CPS1: variants seen among roughly 807,000 people sequenced by gnomAD.
CPS1 encodes carbamoyl-phosphate synthase 1.
In CPS1, 109 loss-of-function variants were observed where a neutral mutation model predicts 174.6. That is an observed-to-expected ratio of 0.62 (90% CI 0.53 to 0.73). CPS1 has a LOEUF of 0.73. Among genes scored for constraint, CPS1 ranks in the 30% least tolerant of loss-of-function variants. The probability of loss-of-function intolerance (pLI) is 0.00; values close to 1 mark genes in which losing one functional copy is unlikely to be tolerated. For synonymous variants in CPS1, 637 were observed against 632.0 expected (o/e 1.01, Z -0.12); for missense variants, 1,689 against 1,821.9 (o/e 0.93, Z 1.33).
At chr2:210,520,914 A>T (rs1042768672) in intron 1 of CPS1, among the ~76,000 whole-genome samples, 3 of 152,040 alleles carry the variant, frequency 2.0e-5, no homozygotes, top group Admixed American at 1.3e-4. Flanking sequence ...AAGAGCATTC[A>T]TGTGCAAAAG....
At position 210,668,255 on chromosome 2, in the gene CPS1, C is replaced by G. The variant is rs954198181; in HGVS notation, c.4072C>G (p.Pro1358Ala). The G allele has an allele frequency of 6.2e-7, 1 of 1,613,652 alleles. No homozygotes were observed. Among genetic ancestry groups the G allele is most frequent in the Admixed American group, 1.7e-5 (1 of 59,994 alleles). ...AATGCTTTCCACAGGATTTAAGATA[C>G]CCCAGAAAGGCATCCTGATAGGCAT... ...KAMLSTGFKIPQKGILIGIQQ... is the reference protein window; with the variant it reads ...KAMLSTGFKIAQKGILIGIQQ... The change falls in exon 34 of 38, where the codon CCC becomes GCC. Residue 1358 changes from proline (P) to alanine (A), a missense_variant. Physicochemically the swap from Pro to Ala is conservative, Grantham distance 27. Coordinates refer to ENST00000233072, the MANE Select transcript of CPS1 (RefSeq NM_001875.5).
chr2:210,591,065 T>G (rs933212302), intron 9 of CPS1, among the ~76,000 whole-genome samples, 159 bp downstream of exon 9: 1 of 150,412 alleles, frequency 6.6e-6, no homozygotes, highest in Non-Finnish European at 1.5e-5. Context: ...AATAAATAAA[T>G]AAATAAAATA....
chr2:210,670,314 A>G (rs1050414689), intron 34 of CPS1, among the ~76,000 whole-genome samples: 5 of 152,164 alleles, frequency 3.3e-5, no homozygotes, highest in African/African-American at 9.6e-5. Flanking sequence ...CTTCATTACT[A>G]TATGTAGGAT....
chr2:210,662,257 A>G (rs1700948530), intron 32 of CPS1, among the ~76,000 whole-genome samples: 1 of 152,114 alleles, frequency 6.6e-6, no homozygotes. Context: ...TTAGCTTTGT[A>G]TATAAATCTT....
intron 33 of CPS1, among the ~76,000 whole-genome samples, chr2:210,665,777 A>ACT: frequency 6.7e-6 from 1 of 149,240 alleles, no homozygotes; most frequent in Non-Finnish European, 1.5e-5. Flanking sequence ...ATAGTGCCGT[A>ACT]ATAAACATAC....
At chr2:210,658,526 G>C (rs1700799355) in intron 30 of CPS1, 73 bp from the exon 31 acceptor site, 1 of 1,140,182 alleles carries the variant, frequency 8.8e-7, no homozygotes, top group South Asian at 1.3e-5. Context: ...TTAAGGTACT[G>C]TGCCTTTTAG....
At chr2:210,670,752 A>C (rs1701273765) in intron 34 of CPS1, among the ~76,000 whole-genome samples, 2 of 152,056 alleles carry the variant, frequency 1.3e-5, no homozygotes, top group South Asian at 4.1e-4. Flanking sequence ...CTAACTTTTA[A>C]ATTTCTTCTC....
chr2:210,624,943 A>ATAT (rs1699651147), intron 21 of CPS1, among the ~76,000 whole-genome samples: 1 of 152,078 alleles, frequency 6.6e-6, no homozygotes, highest in Non-Finnish European at 1.5e-5. Context: ...ACATACTCAG[A>ATAT]ATATGTGTAT....
intron 34 of CPS1, 54 bp downstream of exon 34, chr2:210,668,338 G>A (rs1325434974): frequency 3.0e-5 from 36 of 1,215,090 alleles, no homozygotes; most frequent in Non-Finnish European, 4.3e-5. Flanking sequence ...TGAGTGGGGA[G>A]GGGCAGGATA....
At chr2:210,606,491 G>A (rs1407374345) in intron 17 of CPS1, among the ~76,000 whole-genome samples, 1 of 151,870 alleles carries the variant, frequency 6.6e-6, no homozygotes, top group Non-Finnish European at 1.5e-5. Flanking sequence ...GTAGACGATT[G>A]AAGCCTTGAT....
At chr2:210,592,453 T>C (rs968353014) in intron 10 of CPS1, among the ~76,000 whole-genome samples, 1 of 151,910 alleles carries the variant, frequency 6.6e-6, no homozygotes, top group Non-Finnish European at 1.5e-5. Flanking sequence ...TTGGTCCAAA[T>C]CTGTTTGAGC....
At chr2:210,660,188 T>A (rs1196296364) in intron 31 of CPS1, among the ~76,000 whole-genome samples, 1 of 152,068 alleles carries the variant, frequency 6.6e-6, no homozygotes, top group African/African-American at 2.4e-5. Context: ...CCAGTGGACA[T>A]CCAGTGAAGG....
At chr2:210,536,253 A>G (rs776005057) in intron 1 of CPS1, among the ~76,000 whole-genome samples, 2 of 151,964 alleles carry the variant, frequency 1.3e-5, no homozygotes, top group Non-Finnish European at 2.9e-5. Flanking sequence ...CTAGTTACTA[A>G]TAACCTCAAT....
At position 210,591,771 on chromosome 2, in the gene CPS1, C is replaced by T; in HGVS notation, c.948-60C>T. 18 of 1,558,254 alleles carry T rather than the reference C, an allele frequency of 1.2e-5. No homozygotes were observed. In the South Asian group the frequency reaches 1.8e-4, roughly 15 times the overall value. On this transcript the variant is annotated intron_variant, in intron 9 of 37. Transcript: ENST00000233072. The stretch of plus-strand genomic sequence containing the variant: ...CTTGTTCACTACTTTATAAGGAATA[C>T]ATTTATATTATTCTCTTCACTTTTC...
Position 210,486,115 on chromosome 2 carries a change from T to TACACACAC in CPS1, c.3+8386_3+8393dup, listed in dbSNP as rs60740361. On this transcript the variant is annotated intron_variant, in intron 1 of 38. Transcript: ENST00000430249. ...ATACATATATATATACACACACACA[T>TACACACAC]ACACACACACACACACACACACACA... Among the ~76,000 whole-genome samples, 355 of 135,642 alleles carry TACACACAC rather than the reference T, an allele frequency of 2.6e-3. 2 individuals carry two copies. Among genetic ancestry groups the TACACACAC allele is most frequent in the East Asian group, 0.018 (83 of 4,722 alleles). The allele number at this position is 135,642 out of a possible 152,430, so 89.0% of individuals were successfully genotyped here.
At chr2:210,588,270 T>C in intron 7 of CPS1, 123 bp downstream of exon 7, 1 of 818,830 alleles carries the variant, frequency 1.2e-6, no homozygotes, top group Non-Finnish European at 2.1e-6. Context: ...TACATTCTTC[T>C]TGTTGCTTTT....
chr2:210,608,181 G>C (rs1361381576), intron 18 of CPS1, among the ~76,000 whole-genome samples, 180 bp from the exon 19 acceptor site: 4 of 151,814 alleles, frequency 2.6e-5, no homozygotes, highest in African/African-American at 7.3e-5. Context: ...TCTATACTTT[G>C]TATCATGACT....
intron 20 of CPS1, among the ~76,000 whole-genome samples, chr2:210,613,118 T>A (rs1323933030): frequency 6.6e-6 from 1 of 151,940 alleles, no homozygotes; most frequent in Non-Finnish European, 1.5e-5. Flanking sequence ...TGTGTGTGTA[T>A]GTGTGTGCAT....
chr2:210,653,932 CTGATACTTATAATACT>C (rs1156414155), intron 28 of CPS1, 77 bp from the exon 29 acceptor site: 7 of 987,586 alleles, frequency 7.1e-6, no homozygotes, highest in Non-Finnish European at 1.1e-5. Context: ...AAGTATTGCC[CTGATACTTATAATACT>C]TAAAGTACAT....
Sources: gnomAD v4.1 joint callset for allele counts (sites outside exome capture counted in the v4.1 genomes callset) on GRCh38, gnomAD v4.1.1 for gene constraint, MANE v1.5 for transcripts, NCBI Gene and HGNC (gene_info 2026-07-23, HGNC 2026-07-21) for gene names.